Variants in VAMP3 observed in about 807,000 individuals in gnomAD.
The protein encoded by VAMP3 is vesicle associated membrane protein 3.
VAMP3 carries 11 observed loss-of-function variants against 18.1 expected under a neutral mutation model. The ratio of observed to expected loss-of-function variants is 0.61; its 90% CI spans 0.38 to 1.00. The LOEUF is 1.00. Among genes scored for constraint, VAMP3 ranks in the 50% least tolerant of loss-of-function variants. VAMP3 has a pLI of 0.01. For missense variants in VAMP3, 122 were observed against 127.3 expected (o/e 0.96, Z 0.20); for synonymous variants, 49 against 43.1 (o/e 1.14, Z -0.53).
At chr1:7,776,868 G>A (rs947696162) in intron 2 of VAMP3, 8 of 202,186 alleles carry the variant, frequency 4.0e-5, no homozygotes, top group Admixed American at 1.8e-4. Flanking sequence ...GTGCAATGAC[G>A]CAGTCTCACC....
chr1:7,774,627 C>A (rs192586700), intron 2 of VAMP3, among the ~76,000 whole-genome samples: 1 of 152,162 alleles, frequency 6.6e-6, no homozygotes, highest in Non-Finnish European at 1.5e-5. Flanking sequence ...TTTGCCTGTT[C>A]TGGGTATGTC....
intron 1 of VAMP3, among the ~76,000 whole-genome samples, chr1:7,772,184 G>A (rs1220850543): frequency 6.6e-6 from 1 of 152,208 alleles, no homozygotes; most frequent in East Asian, 1.9e-4. Context: ...TTGTAAAATA[G>A]GAGTAATATT....
chr1:7,777,188 A>G lies in VAMP3; in HGVS notation c.101A>G (p.Asp34Gly). 1 of 1,613,342 alleles carries G rather than the reference A, an allele frequency of 6.2e-7. No homozygotes were observed. Among genetic ancestry groups the G allele is most frequent in the South Asian group, 1.1e-5 (1 of 90,860 alleles). Residue 34 changes from aspartate to glycine, a missense_variant, in exon 3 of 5, where the codon GAC becomes GGC. By Grantham distance (94) the Asp-to-Gly change is moderately conservative (BLOSUM62 -1). Transcript: ENST00000054666. ...GTGGACATAATGCGAGTTAACGTGG[A>G]CAAGGTTCTGGAAAGAGACCAGAAG... ...EVVDIMRVNV[D>G]KVLERDQKLS...
At chr1:7,771,880 T>G (rs1376886176) in intron 1 of VAMP3, among the ~76,000 whole-genome samples, 2 of 152,248 alleles carry the variant, frequency 1.3e-5, no homozygotes, top group African/African-American at 4.8e-5. Flanking sequence ...CTTCGCTCTC[T>G]TAAGCGAAAG....
intron 4 of VAMP3, among the ~76,000 whole-genome samples, chr1:7,778,933 C>T (rs1254865062): frequency 1.3e-5 from 2 of 152,166 alleles, no homozygotes; most frequent in East Asian, 1.9e-4. Flanking sequence ...TGGTGGCGCA[C>T]GCCTGTAATC....
At chr1:7,775,074 T>A (rs1345281049) in intron 2 of VAMP3, among the ~76,000 whole-genome samples, 1 of 152,232 alleles carries the variant, frequency 6.6e-6, no homozygotes, top group Admixed American at 6.5e-5. Flanking sequence ...TGTTTTCCAT[T>A]TTGATTATAA....
chr1:7,777,233 G>T lies in VAMP3; in HGVS notation c.146G>T (p.Arg49Leu), dbSNP rs1393590862. 2 of 1,613,716 alleles carry T rather than the reference G, an allele frequency of 1.2e-6. No homozygotes were observed. Among genetic ancestry groups the T allele is most frequent in the Non-Finnish European group, 1.7e-6 (2 of 1,179,950 alleles). The change falls in exon 3 of 5, where the codon CGT becomes CTT. Residue 49 changes from arginine to leucine, a missense_variant. By Grantham distance (102) the Arg-to-Leu change is moderately radical. Transcript: ENST00000054666. ...RDQKLSELDD[R>L]ADALQAGASQ... is the part of the protein sequence containing the mutation. ...CAGAAGCTCTCTGAGTTAGACGACC[G>T]TGCAGACGCACTGCAGGCAGGCGCT...
At chr1:7,773,672 T>C (rs757024285) in intron 2 of VAMP3, among the ~76,000 whole-genome samples, 161 bp downstream of exon 2, 15 of 152,228 alleles carry the variant, frequency 9.9e-5, no homozygotes, top group Non-Finnish European at 2.1e-4. Context: ...AGATCTAATC[T>C]AAGCAAAAGT....
intron 2 of VAMP3, among the ~76,000 whole-genome samples, chr1:7,774,071 C>A (rs1023707970): frequency 6.6e-6 from 1 of 152,146 alleles, no homozygotes; most frequent in Non-Finnish European, 1.5e-5. Flanking sequence ...TTTTGTTCTG[C>A]GCCGTATGTG....
At chr1:7,774,026 T>G (rs769967932) in intron 2 of VAMP3, among the ~76,000 whole-genome samples, 3 of 152,226 alleles carry the variant, frequency 2.0e-5, no homozygotes, top group Non-Finnish European at 4.4e-5. Flanking sequence ...AGCAAATCTC[T>G]GTTTGTAGAA....
Position 7,779,748 on chromosome 1 carries a change from T to C in VAMP3, c.*103T>C. On this transcript the variant is annotated 3_prime_UTR_variant, in exon 5 of 5. Coordinates refer to ENST00000054666, the MANE Select transcript of VAMP3 (RefSeq NM_004781.4). ...CTTACCTACTGTTATCTCTAAAATT[T>C]TTTTTGTGTTAATGTAAAGTTGAAT... 1 of 1,522,112 alleles carries C rather than the reference T, an allele frequency of 6.6e-7. No homozygotes were observed. The highest frequency in any genetic ancestry group is 1.4e-5 in the African/African-American group (1 of 71,568). The allele number at this position is 1,522,112 out of a possible 1,614,324, so 94.3% of individuals were successfully genotyped here.
intron 4 of VAMP3, among the ~76,000 whole-genome samples, chr1:7,779,376 CTTCT>C: frequency 6.6e-6 from 1 of 152,278 alleles, no homozygotes; most frequent in Non-Finnish European, 1.5e-5. Context: ...CGAAACATGA[CTTCT>C]TTCATTGATA....
chr1:7,779,882 G>A lies in VAMP3; in HGVS notation c.*237G>A. 1 of 533,532 alleles carries A rather than the reference G, an allele frequency of 1.9e-6. No individual in the cohort carries two copies. The allele number at this position is 533,532 out of a possible 1,614,324, so 33.0% of individuals were successfully genotyped here. A position where few individuals can be genotyped will look rare whatever the true frequency, so the allele number is the denominator to read the frequency against. ...AGATTTACGTATGGGCTGATGAAGA[G>A]GCCTTCTTAAGTTCCAGAGTGCTAT... On this transcript the variant is annotated 3_prime_UTR_variant, in exon 5 of 5. Transcript: ENST00000054666.
intron 2 of VAMP3, among the ~76,000 whole-genome samples, chr1:7,775,704 T>A (rs895766955): frequency 6.6e-6 from 1 of 152,272 alleles, no homozygotes; most frequent in Non-Finnish European, 1.5e-5. Flanking sequence ...CCAATGTATC[T>A]GTTTTTCCTT....
At position 7,781,254 on chromosome 1, in the gene VAMP3, C is replaced by T. The variant is rs1159949336; in HGVS notation, c.*1609C>T. ...TGTTAGGACATTAGTCCACCTTCAGCGCAGGGTCTCTGGCCGGGTCTGACT... is the reference window on the plus strand; with the variant it reads ...TGTTAGGACATTAGTCCACCTTCAGTGCAGGGTCTCTGGCCGGGTCTGACT... On this transcript the variant is annotated 3_prime_UTR_variant, in exon 5 of 5. Coordinates refer to ENST00000054666, the MANE Select transcript of VAMP3 (RefSeq NM_004781.4). The T allele has an allele frequency of 6.5e-6, 1 of 152,802 alleles. No homozygotes were observed. The allele number at this position is 152,802 out of a possible 1,614,324, so 9.5% of individuals were successfully genotyped here. A position where few individuals can be genotyped will look rare whatever the true frequency, so the allele number is the denominator to read the frequency against.
rs1348076590 is a variant in VAMP3 at position 7,771,305 on chromosome 1, A to T, written c.-79A>T. On this transcript the variant is annotated 5_prime_UTR_variant, in exon 1 of 5. Coordinates refer to ENST00000054666, the MANE Select transcript of VAMP3 (RefSeq NM_004781.4). ...TGCCCCGCGCCGCGCCGTCCCACCCATCTCCCTGGCCTCCGGTCCCAACTT... is the reference window on the plus strand; with the variant it reads ...TGCCCCGCGCCGCGCCGTCCCACCCTTCTCCCTGGCCTCCGGTCCCAACTT... The T allele has an allele frequency of 1.3e-6, 2 of 1,516,416 alleles. No homozygotes were observed. Among genetic ancestry groups the T allele is most frequent in the African/African-American group, 1.4e-5 (1 of 69,408 alleles). 93.9% of individuals were successfully genotyped at this position (1,516,416 alleles called of 1,614,324 possible). A position where few individuals can be genotyped will look rare whatever the true frequency, so the allele number is the denominator to read the frequency against.
Position 7,781,218 on chromosome 1 carries a change from G to C in VAMP3, c.*1573G>C, listed in dbSNP as rs992829593. 24 of 152,804 alleles carry C rather than the reference G, an allele frequency of 1.6e-4. No individual in the cohort carries two copies. The highest frequency in any genetic ancestry group is 5.5e-4 in the African/African-American group (23 of 41,454). The allele number at this position is 152,804 out of a possible 1,614,324, so 9.5% of individuals were successfully genotyped here. A position where few individuals can be genotyped will look rare whatever the true frequency, so the allele number is the denominator to read the frequency against. ...CGGTGTGGCCAGCTGTGAGGAGAAAGCAGCTGGCAGTGTTAGGACATTAGT... is the reference window on the plus strand; with the variant it reads ...CGGTGTGGCCAGCTGTGAGGAGAAACCAGCTGGCAGTGTTAGGACATTAGT... On this transcript the variant is annotated 3_prime_UTR_variant, in exon 5 of 5. Transcript: ENST00000054666.
intron 1 of VAMP3, 64 bp downstream of exon 1, chr1:7,771,449 G>C: frequency 6.7e-7 from 1 of 1,483,902 alleles, no homozygotes; most frequent in South Asian, 1.3e-5. Context: ...CGCTGGGACC[G>C]CCATACTGCC....
chr1:7,772,587 A>G (rs1281616690), intron 1 of VAMP3: 2 of 152,432 alleles, frequency 1.3e-5, no homozygotes, highest in African/African-American at 4.8e-5. Context: ...TGAAGATTTT[A>G]AAAGATGAGT....
Sources: gnomAD v4.1 joint callset for allele counts (sites outside exome capture counted in the v4.1 genomes callset) on GRCh38, gnomAD v4.1.1 for gene constraint, MANE v1.5 for transcripts, NCBI Gene and HGNC (gene_info 2026-07-23, HGNC 2026-07-21) for gene names.